Variants in SYBU observed in about 807,000 individuals in gnomAD.
SYBU encodes the protein syntabulin.
In SYBU, 21 loss-of-function variants were observed where a neutral mutation model predicts 35.9. The observed-to-expected ratio is 0.58, with a 90% confidence interval of 0.41 to 0.84. SYBU has a LOEUF of 0.84. Among genes scored for constraint, SYBU ranks in the 40% least tolerant of loss-of-function variants. The pLI is 0.00. For missense variants in SYBU, 768 were observed against 848.2 expected (o/e 0.91, Z 1.17); for synonymous variants, 319 against 324.3 (o/e 0.98, Z 0.18).
Position 109,689,325 on chromosome 8 carries a change from T to A in SYBU, c.-58+2008A>T, listed in dbSNP as rs528964355. The stretch of plus-strand genomic sequence containing the variant: ...GCTCTATGATTTTTTAAAATTTTCT[T>A]TAATTAATTTATTAATTTATTTTTG... On this transcript the variant is annotated intron_variant, in intron 1 of 7. Transcript: ENST00000422135. 1.7e-3 allele frequency among the ~76,000 whole-genome samples: 264 copies of A among 152,276 alleles called. 1 individual carries two copies. Among genetic ancestry groups the A allele is most frequent in the African/African-American group, 6.1e-3 (254 of 41,552 alleles).
chr8:109,580,167 G>A (rs759563938), intron 4 of SYBU, 165 bp from the exon 5 acceptor site: 24 of 614,458 alleles, frequency 3.9e-5, no homozygotes, highest in Non-Finnish European at 5.7e-5. Context: ...CCACCTGCCT[G>A]GTATTTTCTC....
At chr8:109,583,304 GATAA>G (rs1449607890) in intron 4 of SYBU, among the ~76,000 whole-genome samples, 2 of 152,152 alleles carry the variant, frequency 1.3e-5, no homozygotes, top group Non-Finnish European at 2.9e-5. Flanking sequence ...TCATACACCT[GATAA>G]ATAATGGAGG....
At position 109,605,903 on chromosome 8, in the gene SYBU, T is replaced by A. The variant is rs559646641; in HGVS notation, c.427+12939A>T. On this transcript the variant is annotated intron_variant, in intron 3 of 6. Coordinates refer to ENST00000276646, the MANE Select transcript of SYBU (RefSeq NM_001099754.2). ...AAAGAACTTAATATTTGAACCTAGA[T>A]TTTAATCATCACATTTTAAATTCAA... 1.4e-4 allele frequency among the ~76,000 whole-genome samples: 22 copies of A among 152,340 alleles called. No individual in the cohort carries two copies. The East Asian group carries it at 3.5e-3, about 24-fold the overall frequency.
chr8:109,600,783 G>T (rs2130040979), intron 3 of SYBU, among the ~76,000 whole-genome samples: 1 of 152,290 alleles, frequency 6.6e-6, no homozygotes, highest in East Asian at 1.9e-4. Flanking sequence ...AAAACAATCT[G>T]CACATCCTTT....
In SYBU at chr8:109,657,298, T is replaced by C. The variant is rs147273980; in HGVS notation, c.-129+23413A>G. ...GTCACTGTCCCATAATTTAAAAATA[T>C]AGCAAAAGATCATTTACAGAGGAGG... On this transcript the variant is annotated intron_variant, in intron 1 of 5. Coordinates refer to the SYBU transcript ENST00000408889. Among the ~76,000 whole-genome samples the C allele has an allele frequency of 5.1e-3, 782 of 152,310 alleles. 5 individuals are homozygous for C. The highest frequency in any genetic ancestry group is 0.017 in the African/African-American group (702 of 41,586).
chr8:109,644,912 C>G, upstream of SYBU: 1 of 551,162 alleles, frequency 1.8e-6, no homozygotes, highest in Non-Finnish European at 3.3e-6. Flanking sequence ...CCCACGCCCT[C>G]CCTCACCTGC....
intron 1 of SYBU, among the ~76,000 whole-genome samples, chr8:109,677,217 T>G (rs556702972): frequency 6.6e-6 from 1 of 152,252 alleles, no homozygotes; most frequent in African/African-American, 2.4e-5. Flanking sequence ...TGTAAGATAC[T>G]CTAAAAGTAA....
chr8:109,617,162 G>A (rs539509163), intron 3 of SYBU, among the ~76,000 whole-genome samples: 2 of 152,098 alleles, frequency 1.3e-5, no homozygotes, highest in South Asian at 2.1e-4. Flanking sequence ...AAATAAAAAC[G>A]TATGAAGTAC....
intron 1 of SYBU, among the ~76,000 whole-genome samples, chr8:109,665,044 T>C (rs1026009398): frequency 1.3e-5 from 2 of 152,212 alleles, no homozygotes; most frequent in Admixed American, 6.5e-5. Flanking sequence ...TTGAATGGTC[T>C]AGGCCAATGC....
intron 1 of SYBU, among the ~76,000 whole-genome samples, chr8:109,653,195 T>A (rs1030179196): frequency 5.3e-5 from 8 of 152,104 alleles, no homozygotes; most frequent in East Asian, 1.9e-4. Flanking sequence ...TTTTATTTTT[T>A]AAAAAAATAC....
At chr8:109,630,300 CAT>C (rs1266982170) in intron 2 of SYBU, among the ~76,000 whole-genome samples, 1 of 146,820 alleles carries the variant, frequency 6.8e-6, no homozygotes, top group Non-Finnish European at 1.5e-5. Context: ...GGAGGGATAG[CAT>C]TGGGAGATAT....
chr8:109,638,964 A>G (rs1050830883), intron 2 of SYBU, among the ~76,000 whole-genome samples: 2 of 152,252 alleles, frequency 1.3e-5, no homozygotes, highest in African/African-American at 4.8e-5. Flanking sequence ...AATGAGGCAG[A>G]GACAACATAC....
intron 1 of SYBU, among the ~76,000 whole-genome samples, chr8:109,670,824 G>A (rs2130763660): frequency 6.6e-6 from 1 of 152,034 alleles, no homozygotes; most frequent in East Asian, 1.9e-4. Context: ...TAGAATTCTA[G>A]GAGTATAATT....
At chr8:109,610,927 T>C (rs1422364847) in intron 3 of SYBU, among the ~76,000 whole-genome samples, 1 of 152,200 alleles carries the variant, frequency 6.6e-6, no homozygotes, top group Non-Finnish European at 1.5e-5. Flanking sequence ...TATTTTACCA[T>C]ACTTTATCGA....
chr8:109,593,950 A>T (rs1442601698), intron 3 of SYBU, among the ~76,000 whole-genome samples: 11 of 152,218 alleles, frequency 7.2e-5, no homozygotes, highest in Admixed American at 7.2e-4. Context: ...TCCTCCCTGA[A>T]GTATTTTACA....
At chr8:109,640,051 G>C (rs1814683608) in intron 2 of SYBU, among the ~76,000 whole-genome samples, 1 of 152,216 alleles carries the variant, frequency 6.6e-6, no homozygotes, top group African/African-American at 2.4e-5. Context: ...AGAGATGAGG[G>C]AGAGGCCCAG....
At chr8:109,622,480 G>C (rs1430099646) in intron 2 of SYBU, among the ~76,000 whole-genome samples, 1 of 152,128 alleles carries the variant, frequency 6.6e-6, no homozygotes, top group Non-Finnish European at 1.5e-5. Context: ...TGATCTGCCT[G>C]CCTCAGCCTC....
upstream of SYBU, chr8:109,647,377 T>A (rs982482871): frequency 1.3e-5 from 2 of 152,210 alleles, no homozygotes; most frequent in African/African-American, 2.4e-5. Flanking sequence ...TTTCTTGCAC[T>A]ACATCCACCT....
At chr8:109,657,603 T>C (rs1816403062) in intron 1 of SYBU, among the ~76,000 whole-genome samples, 1 of 152,222 alleles carries the variant, frequency 6.6e-6, no homozygotes, top group Non-Finnish European at 1.5e-5. Context: ...CCACTGAAAC[T>C]GGAAATGACT....
Sources: allele counts gnomAD v4.1 joint callset (sites outside exome capture counted in the v4.1 genomes callset), GRCh38; gene constraint gnomAD v4.1.1; transcripts MANE v1.5; gene names NCBI Gene and HGNC (gene_info 2026-07-23, HGNC 2026-07-21).